Variants in ATP5F1A observed in about 807,000 individuals in gnomAD.
The protein encoded by ATP5F1A is ATP synthase F1 subunit alpha.
ATP5F1A carries 24 observed loss-of-function variants against 57.4 expected under a neutral mutation model. The observed-to-expected ratio is 0.42, with a 90% CI of 0.30 to 0.59. The LOEUF is 0.59. Among genes scored for constraint, ATP5F1A ranks in the 20% least tolerant of loss-of-function variants. The pLI is 0.19. For synonymous variants in ATP5F1A, 251 were observed against 255.5 expected, an observed-to-expected ratio of 0.98 and a Z score of 0.17; for missense variants, 494 against 707.9, an observed-to-expected ratio of 0.70 and a Z score of 3.43.
upstream of ATP5F1A, chr18:46,099,250 C>T (rs1911191641): frequency 6.6e-6 from 1 of 152,040 alleles, no homozygotes; most frequent in African/African-American, 2.4e-5. Context: ...GGGAACTCTG[C>T]TTCTTCATTT....
chr18:46,087,775 G>A (rs1910235105), intron 6 of ATP5F1A: 1 of 439,816 alleles, frequency 2.3e-6, no homozygotes, highest in Non-Finnish European at 4.1e-6. Context: ...AGCTACTCGG[G>A]AGGCTGAGAC....
chr18:46,102,325 G>A (rs907825790), upstream of ATP5F1A, among the ~76,000 whole-genome samples: 1 of 150,496 alleles, frequency 6.6e-6, no homozygotes, highest in Non-Finnish European at 1.5e-5. Flanking sequence ...TTTAGTTTTT[G>A]TTTTTTTTTG....
At chr18:46,098,975 T>C (rs1911178226), upstream of ATP5F1A, among the ~76,000 whole-genome samples, 1 of 152,268 alleles carries the variant, frequency 6.6e-6, no homozygotes, top group Non-Finnish European at 1.5e-5. Flanking sequence ...TCAAGATAAA[T>C]AGCTAATACA....
intron 2 of ATP5F1A, 114 bp from the exon 3 acceptor site, chr18:46,091,965 G>C: frequency 1.0e-6 from 1 of 985,458 alleles, no homozygotes; most frequent in African/African-American, 1.7e-5. Context: ...CTAAGGGCAG[G>C]AGTTTGAGAC....
Position 46,083,318 on chromosome 18 carries a change from TA to T in ATP5F1A, c.*963del, listed in dbSNP as rs887589702. ...GGCTGGGCGTGGTGGTATGTGCCTG[TA>T]ACCCCAGCTACTCAGGAGGCTGAGG... On this transcript the variant is annotated 3_prime_UTR_variant, in exon 12 of 12. Coordinates refer to ENST00000398752, the MANE Select transcript of ATP5F1A (RefSeq NM_004046.6). 3.3e-5 allele frequency: 5 copies of T among 152,204 alleles called. No homozygotes were observed. Among genetic ancestry groups the T allele is most frequent in the African/African-American group, 1.2e-4 (5 of 41,376 alleles). 9.4% of individuals were successfully genotyped at this position (152,204 alleles called of 1,614,324 possible).
chr18:46,095,208 C>A, intron 1 of ATP5F1A, 77 bp from the exon 2 acceptor site: 1 of 1,375,932 alleles, frequency 7.3e-7, no homozygotes, highest in Non-Finnish European at 1.0e-6. Flanking sequence ...CAAATGCCAG[C>A]TTAGTGTGAT....
At chr18:46,098,733 C>G (rs1477189056), upstream of ATP5F1A, among the ~76,000 whole-genome samples, 2 of 152,174 alleles carry the variant, frequency 1.3e-5, no homozygotes, top group Non-Finnish European at 1.5e-5. Flanking sequence ...TGGCCACCAG[C>G]AGGGAGCCTC....
chr18:46,104,077 C>T, intron 1 of ATP5F1A: 1 of 284,826 alleles, frequency 3.5e-6, no homozygotes, highest in East Asian at 5.9e-5. Flanking sequence ...GTTTCAAGTA[C>T]TTTTTTTTAA....
chr18:46,095,143 G>A lies in ATP5F1A; in HGVS notation c.61-12C>T. 1 of 1,608,588 alleles carries A rather than the reference G, an allele frequency of 6.2e-7. No homozygotes were observed. The highest frequency in any genetic ancestry group is 8.5e-7 in the Non-Finnish European group (1 of 1,178,468). ...GCATTTCTGGAGACCTAGTGCAAAA[G>A]TATTCTTAAAAATTTGATTTTTAAC... On this transcript the variant is annotated splice_polypyrimidine_tract_variant and intron_variant, in intron 1 of 11. Transcript: ENST00000398752.
intron 10 of ATP5F1A, chr18:46,085,492 G>A (rs1910020512): frequency 6.6e-6 from 1 of 151,878 alleles, no homozygotes; most frequent in Non-Finnish European, 1.5e-5. Context: ...AGCCAGGCAT[G>A]GTAGTGCATG....
rs949048945 is a variant in ATP5F1A at position 46,087,452 on chromosome 18, C to T, written c.840G>A (p.Ser280=). The part of the protein sequence containing the change: ...KYTIVVSATA[S]DAAPLQYLAP... ...CCAGGTACTGAAGTGGGGCAGCATC[C>T]GAGGCCGTAGCCGACACCACAATGG... The change falls in exon 7 of 12, where the codon TCG becomes TCA. Residue 280 remains serine, a synonymous_variant. Coordinates refer to ENST00000398752, the MANE Select transcript of ATP5F1A (RefSeq NM_004046.6). 5.0e-6 allele frequency: 8 copies of T among 1,614,006 alleles called. No individual in the cohort carries two copies. Among genetic ancestry groups the T allele is most frequent in the East Asian group, 2.2e-5 (1 of 44,902 alleles).
chr18:46,094,131 CAT>C (rs1168385787), intron 2 of ATP5F1A, among the ~76,000 whole-genome samples: 2 of 150,940 alleles, frequency 1.3e-5, no homozygotes, highest in East Asian at 3.9e-4. Flanking sequence ...AAAAGAAAAA[CAT>C]ATATGCTGAA....
chr18:46,086,754 A>C (rs1438033358), intron 8 of ATP5F1A: 3 of 599,896 alleles, frequency 5.0e-6, no homozygotes, highest in Non-Finnish European at 8.7e-6. Flanking sequence ...ATTTGATTCA[A>C]AATTATCTAG....
chr18:46,086,549 C>A, intron 8 of ATP5F1A, 55 bp from the exon 9 acceptor site: 1 of 1,509,946 alleles, frequency 6.6e-7, no homozygotes. Context: ...AATCAACTAT[C>A]TTCAAATTTA....
chr18:46,092,562 T>C (rs1207706498), intron 2 of ATP5F1A, among the ~76,000 whole-genome samples: 1 of 151,334 alleles, frequency 6.6e-6, no homozygotes, highest in African/African-American at 2.4e-5. Context: ...AAGCCAAGAT[T>C]GTGTCACTGC....
At position 46,088,197 on chromosome 18, in the gene ATP5F1A, A is replaced by G. The variant is rs1197927516; in HGVS notation, c.711T>C (p.Asp237=). ...INQKRFNDGS[D]EKKKLYCIYV... The stretch of plus-strand genomic sequence containing the variant: ...AAATACAGTACAGCTTCTTCTTTTC[A>G]TCAGATCCATCATTGAAACGTTTCT... The change falls in exon 6 of 12, where the codon GAT becomes GAC. Residue 237 remains aspartate (D), a synonymous_variant. Coordinates refer to ENST00000398752, the MANE Select transcript of ATP5F1A (RefSeq NM_004046.6). 1 of 1,603,896 alleles carries G rather than the reference A, an allele frequency of 6.2e-7. No homozygotes were observed. Among genetic ancestry groups the G allele is most frequent in the Non-Finnish European group, 8.5e-7 (1 of 1,178,018 alleles).
At chr18:46,100,614 C>G (rs1487303991), upstream of ATP5F1A, among the ~76,000 whole-genome samples, 1 of 151,996 alleles carries the variant, frequency 6.6e-6, no homozygotes, top group Non-Finnish European at 1.5e-5. Flanking sequence ...TATATCAAAA[C>G]AAACAACAAA....
rs1208420821 is a variant in ATP5F1A at position 46,082,018 on chromosome 18, GA to G, written c.*2263del. 6.8e-6 allele frequency: 1 copy of G among 148,044 alleles called. No homozygotes were observed. The highest frequency in any genetic ancestry group is 1.5e-5 in the Non-Finnish European group (1 of 67,358). The allele number at this position is 148,044 out of a possible 1,614,324, so 9.2% of individuals were successfully genotyped here. ...AATGGCAAGGAAGGGGGAACCCTAG[GA>G]AAAATATTTTAGAACATGACCATGT... On this transcript the variant is annotated 3_prime_UTR_variant, in exon 12 of 12. Transcript: ENST00000398752.
At chr18:46,089,305 T>C (rs1320524793) in intron 5 of ATP5F1A, 1 of 412,752 alleles carries the variant, frequency 2.4e-6, no homozygotes, top group Non-Finnish European at 4.4e-6. Flanking sequence ...CTTCATCTGG[T>C]GCCCAACATG....
Sources: gnomAD v4.1 joint callset for allele counts (sites outside exome capture counted in the v4.1 genomes callset) on GRCh38, gnomAD v4.1.1 for gene constraint, MANE v1.5 for transcripts, NCBI Gene and HGNC (gene_info 2026-07-23, HGNC 2026-07-21) for gene names.